The following ITPRID1 variants were observed in gnomAD, a reference collection of about 807,000 sequenced individuals.
The protein encoded by ITPRID1 is protein ITPRID1.
Under a neutral mutation model 95.4 loss-of-function variants are expected in ITPRID1, and 96 were observed. The ratio of observed to expected loss-of-function variants is 1.01; its 90% CI spans 0.85 to 1.19. The LOEUF is 1.19. Ranked by LOEUF, ITPRID1 falls within the 50% of genes most tolerant of loss-of-function variation. The pLI is 0.00. For missense variants in ITPRID1, 1,339 were observed against 1,252.9 expected (o/e 1.07, Z -1.04); for synonymous variants, 510 against 453.6 (o/e 1.12, Z -1.58).
chr7:31,517,106 A>G (rs1374089211), intron 1 of ITPRID1, among the ~76,000 whole-genome samples: 3 of 152,322 alleles, frequency 2.0e-5, no homozygotes, highest in Middle Eastern at 3.4e-3. Flanking sequence ...CCATTCCCAG[A>G]GAACAAAGCA....
In ITPRID1 at chr7:31,520,552, TGTGTGTGTGTGTGAGAGAGAGA is replaced by T. The variant is rs1451920458; in HGVS notation, c.-98+6434_-98+6455del. 1.0e-3 allele frequency among the ~76,000 whole-genome samples: 92 copies of T among 87,902 alleles called. 1 individual carries two copies. The highest frequency in any genetic ancestry group is 5.0e-3 in the African/African-American group (90 of 18,142). The allele number at this position is 87,902 out of a possible 152,430, so 57.7% of individuals were successfully genotyped here. A position where few individuals can be genotyped will look rare whatever the true frequency, so the allele number is the denominator to read the frequency against. ...GTGTGTGTGTGTGTGTGTGTGTGTG[TGTGTGTGTGTGTGAGAGAGAGA>T]GAGAGAGTTTGGCACTTTTCTTACT... On this transcript the variant is annotated intron_variant, in intron 1 of 14. Coordinates refer to ENST00000615280, the MANE Select transcript of ITPRID1 (RefSeq NM_001257967.3).
chr7:31,622,730 T>C lies in ITPRID1; in HGVS notation c.1229-19446T>C, dbSNP rs542636427. The stretch of plus-strand genomic sequence containing the variant: ...ATCAAGAGCAAACACATTCAAAAGC[T>C]AACAGAAGGCAAGAAATAACTAAAA... On this transcript the variant is annotated intron_variant, in intron 10 of 14. Transcript: ENST00000615280. Among the ~76,000 whole-genome samples the C allele has an allele frequency of 2.9e-3, 436 of 152,140 alleles. 1 individual carries two copies. The highest frequency in any genetic ancestry group is 1.0e-2 in the African/African-American group (415 of 41,508).
At chr7:31,516,241 AT>A in intron 1 of ITPRID1, among the ~76,000 whole-genome samples, 1 of 152,302 alleles carries the variant, frequency 6.6e-6, no homozygotes, top group Non-Finnish European at 1.5e-5. Context: ...CTTATTGCAC[AT>A]TTAGGTTTGT....
rs537060823 is a variant in ITPRID1 at position 31,607,993 on chromosome 7, T to C, written c.1228+24802T>C. Among the ~76,000 whole-genome samples the C allele has an allele frequency of 4.6e-5, 7 of 152,196 alleles. No individual in the cohort carries two copies. The South Asian group carries it at 1.2e-3, about 27-fold the overall frequency. ...GTTGCAATGCTTATGCTTCCTCTTA[T>C]CTCTTTGAAAAGATCAATGATAGTT... is the stretch of plus-strand genomic sequence containing the variant. On this transcript the variant is annotated intron_variant, in intron 10 of 14. Coordinates refer to ENST00000615280, the MANE Select transcript of ITPRID1 (RefSeq NM_001257967.3).
intron 1 of ITPRID1, among the ~76,000 whole-genome samples, chr7:31,536,346 C>T (rs1203609176): frequency 6.6e-6 from 1 of 151,934 alleles, no homozygotes; most frequent in Non-Finnish European, 1.5e-5. Flanking sequence ...TTTCAATTTC[C>T]TGTTGGAAGT....
At chr7:31,599,227 A>G (rs1786239623) in intron 10 of ITPRID1, among the ~76,000 whole-genome samples, 1 of 152,250 alleles carries the variant, frequency 6.6e-6, no homozygotes, top group Non-Finnish European at 1.5e-5. Flanking sequence ...AATAATATAC[A>G]GCAATGCTAG....
intron 1 of ITPRID1, among the ~76,000 whole-genome samples, chr7:31,535,759 T>C (rs893560399): frequency 1.3e-5 from 2 of 152,128 alleles, no homozygotes; most frequent in African/African-American, 4.8e-5. Flanking sequence ...TTCACATTGA[T>C]TTTCAGTTGT....
At chr7:31,642,564 G>C (rs1028790178) in intron 11 of ITPRID1, 118 bp from the exon 12 acceptor site, 55 of 896,440 alleles carry the variant, frequency 6.1e-5, no homozygotes, top group Non-Finnish European at 8.8e-5. Flanking sequence ...TGCAAAACCT[G>C]ATGTTGCAAC....
At chr7:31,644,719 A>C (rs1321670623) in intron 12 of ITPRID1, among the ~76,000 whole-genome samples, 2 of 152,188 alleles carry the variant, frequency 1.3e-5, no homozygotes, top group Non-Finnish European at 2.9e-5. Context: ...TAAGTTTTTA[A>C]GGTAAGAAAT....
intron 10 of ITPRID1, among the ~76,000 whole-genome samples, chr7:31,603,459 G>T (rs1786485720): frequency 6.8e-6 from 1 of 146,512 alleles, no homozygotes; most frequent in African/African-American, 2.4e-5. Context: ...CCGGCAATCA[G>T]TACTTTTCTT....
chr7:31,532,263 A>C (rs1272683879), intron 1 of ITPRID1, among the ~76,000 whole-genome samples: 1 of 152,152 alleles, frequency 6.6e-6, no homozygotes, highest in Non-Finnish European at 1.5e-5. Flanking sequence ...ATAATTCCAC[A>C]TTGTTTATTA....
At position 31,652,655 on chromosome 7, in the gene ITPRID1, C is replaced by G; in HGVS notation, c.2961C>G (p.Pro987=). 4 of 1,613,808 alleles carry G rather than the reference C, an allele frequency of 2.5e-6. No homozygotes were observed. The highest frequency in any genetic ancestry group is 3.4e-6 in the Non-Finnish European group (4 of 1,179,836). The change falls in exon 15 of 15, where the codon CCC becomes CCG. Residue 987 remains proline, a synonymous_variant. Transcript: ENST00000615280. ...TGGCCCCGAGGACTGTGTTTCCTCC[C>G]GATGATGGCCAGGAGGCTCCCTGTT... The part of the protein sequence containing the change: ...PGMAPRTVFP[P]DDGQEAPCSG...
chr7:31,580,298 C>CCAAAAAA (rs1785351100), intron 9 of ITPRID1, among the ~76,000 whole-genome samples: 1 of 126,880 alleles, frequency 7.9e-6, no homozygotes. Flanking sequence ...AACTCTGTCT[C>CCAAAAAA]AAAAAAAAAA....
intron 10 of ITPRID1, among the ~76,000 whole-genome samples, chr7:31,603,387 A>C (rs1323350405): frequency 6.6e-6 from 1 of 151,094 alleles, no homozygotes; most frequent in African/African-American, 2.4e-5. Flanking sequence ...TAATTATCAC[A>C]CCTTCCCTCC....
intron 5 of ITPRID1, among the ~76,000 whole-genome samples, chr7:31,568,812 C>T (rs996125226): frequency 3.3e-5 from 5 of 152,216 alleles, no homozygotes; most frequent in African/African-American, 1.2e-4. Context: ...ATACACTCCT[C>T]TTTCTGTCTT....
chr7:31,559,353 T>TTTG (rs1784553168), intron 5 of ITPRID1, among the ~76,000 whole-genome samples: 1 of 152,128 alleles, frequency 6.6e-6, no homozygotes, highest in Non-Finnish European at 1.5e-5. Flanking sequence ...TATTGCAGAA[T>TTTG]TTGTATAGAA....
chr7:31,556,013 C>T (rs1297481236), intron 5 of ITPRID1, among the ~76,000 whole-genome samples: 1 of 152,144 alleles, frequency 6.6e-6, no homozygotes, highest in Non-Finnish European at 1.5e-5. Context: ...GCAAAAACTT[C>T]AGAAAAATAG....
intron 10 of ITPRID1, among the ~76,000 whole-genome samples, chr7:31,640,282 G>A (rs1479859175): frequency 1.3e-5 from 2 of 152,178 alleles, no homozygotes; most frequent in Non-Finnish European, 2.9e-5. Context: ...ACTGGGCAGT[G>A]TTTCCCCTGA....
At chr7:31,629,460 A>AG (rs1169990249) in intron 10 of ITPRID1, among the ~76,000 whole-genome samples, 1 of 152,150 alleles carries the variant, frequency 6.6e-6, no homozygotes, top group Non-Finnish European at 1.5e-5. Context: ...GCTTGTAGGG[A>AG]GGGGGAATAG....
Sources: gnomAD v4.1 joint callset for allele counts (sites outside exome capture counted in the v4.1 genomes callset) on GRCh38, gnomAD v4.1.1 for gene constraint, MANE v1.5 for transcripts, NCBI Gene and HGNC (gene_info 2026-07-23, HGNC 2026-07-21) for gene names.